The following NEGR1 variants were observed in gnomAD, a reference collection of about 807,000 sequenced individuals.
NEGR1 encodes the protein IgLON family member 4.
Under a neutral mutation model 40.9 loss-of-function variants are expected in NEGR1, and 10 were observed. That is an observed-to-expected ratio of 0.24 (90% CI 0.15 to 0.42). NEGR1 has a LOEUF of 0.42. NEGR1 is among the 10% of genes least tolerant of loss of function. The pLI is 1.00. For synonymous variants in NEGR1, 185 were observed against 166.8 expected, an observed-to-expected ratio of 1.11 and a Z score of -0.84; for missense variants, 352 against 438.9, an observed-to-expected ratio of 0.80 and a Z score of 1.77.
At chr1:71,571,173 C>T (rs979313980) in intron 6 of NEGR1, among the ~76,000 whole-genome samples, 1 of 152,168 alleles carries the variant, frequency 6.6e-6, no homozygotes, top group Non-Finnish European at 1.5e-5. Context: ...TTTATCATCA[C>T]TTCCTTCTTA....
At chr1:72,050,195 T>C (rs1043763124) in intron 1 of NEGR1, among the ~76,000 whole-genome samples, 5 of 151,656 alleles carry the variant, frequency 3.3e-5, no homozygotes, top group African/African-American at 9.7e-5. Context: ...AATTTAATGA[T>C]GATTAATGTT....
At chr1:71,690,682 G>A (rs797016790) in intron 4 of NEGR1, among the ~76,000 whole-genome samples, 12 of 123,664 alleles carry the variant, frequency 9.7e-5, no homozygotes, top group African/African-American at 3.1e-4. Context: ...ATTTGCCGTT[G>A]TTTGTTCTTT....
At chr1:71,852,113 AC>A (rs1231337574) in intron 2 of NEGR1, among the ~76,000 whole-genome samples, 3 of 152,200 alleles carry the variant, frequency 2.0e-5, no homozygotes, top group Non-Finnish European at 4.4e-5. Context: ...AGTGATTCTT[AC>A]TTCCATACAT....
chr1:71,571,462 A>G (rs1395850565), intron 6 of NEGR1, among the ~76,000 whole-genome samples: 1 of 152,252 alleles, frequency 6.6e-6, no homozygotes, highest in Non-Finnish European at 1.5e-5. Context: ...TGGCTAAAAT[A>G]TGCAAAAGCA....
intron 6 of NEGR1, among the ~76,000 whole-genome samples, chr1:71,457,526 AG>A (rs1236049037): frequency 6.6e-6 from 1 of 152,030 alleles, no homozygotes; most frequent in Non-Finnish European, 1.5e-5. Flanking sequence ...AGAGGAAACA[AG>A]AGAGACAGCA....
At chr1:72,176,688 A>G (rs888006305) in intron 1 of NEGR1, among the ~76,000 whole-genome samples, 8 of 152,002 alleles carry the variant, frequency 5.3e-5, no homozygotes, top group Non-Finnish European at 1.2e-4. Flanking sequence ...AACAAACAAA[A>G]CCACTGTGGG....
chr1:71,971,595 A>G (rs567321335), intron 1 of NEGR1, among the ~76,000 whole-genome samples: 2 of 152,362 alleles, frequency 1.3e-5, no homozygotes, highest in African/African-American at 4.8e-5. Context: ...AGATAATAAA[A>G]TGAACATATT....
At chr1:72,183,300 G>C (rs991256470) in intron 1 of NEGR1, among the ~76,000 whole-genome samples, 1 of 152,026 alleles carries the variant, frequency 6.6e-6, no homozygotes, top group Non-Finnish European at 1.5e-5. Context: ...TTGAGCATAG[G>C]GGTACTAGAA....
In NEGR1 at chr1:71,400,044, ACTTAGTGTAAAGTTAACTCCTTTTTG is replaced by A. The variant is rs1646236871; in HGVS notation, c.*7376_*7401del. ...CTGCGGGAGGTCTAAGTCTGCTGTG[ACTTAGTGTAAAGTTAACTCCTTTTTG>A]AATGTAAAAAGTCAAAATTGATGAA... On this transcript the variant is annotated 3_prime_UTR_variant, in exon 7 of 7. Transcript: ENST00000357731. 3 of 152,188 alleles carry A rather than the reference ACTTAGTGTAAAGTTAACTCCTTTTTG, an allele frequency of 2.0e-5. No homozygotes were observed. Among genetic ancestry groups the A allele is most frequent in the Non-Finnish European group, 4.4e-5 (3 of 68,034 alleles). 9.4% of individuals were successfully genotyped at this position (152,188 alleles called of 1,614,324 possible). A position where few individuals can be genotyped will look rare whatever the true frequency, so the allele number is the denominator to read the frequency against.
At chr1:71,625,885 C>CA (rs770023446) in intron 4 of NEGR1, among the ~76,000 whole-genome samples, 3 of 151,796 alleles carry the variant, frequency 2.0e-5, no homozygotes, top group Non-Finnish European at 4.4e-5. Context: ...TGACTATACA[C>CA]ACAGCTGCAT....
chr1:71,953,172 C>T (rs191399734), intron 1 of NEGR1, among the ~76,000 whole-genome samples: 17 of 152,014 alleles, frequency 1.1e-4, no homozygotes, highest in African/African-American at 3.9e-4. Context: ...TTTTATAAAG[C>T]TATTGTTTCC....
intron 1 of NEGR1, among the ~76,000 whole-genome samples, chr1:72,120,181 T>G (rs1649742844): frequency 6.6e-6 from 1 of 151,782 alleles, no homozygotes; most frequent in Admixed American, 6.6e-5. Context: ...ATTTGAAAAA[T>G]TTTTCATAAA....
At chr1:71,943,956 A>G (rs569746042) in intron 1 of NEGR1, among the ~76,000 whole-genome samples, 1 of 152,224 alleles carries the variant, frequency 6.6e-6, no homozygotes, top group Non-Finnish European at 1.5e-5. Context: ...AAAGAAAAAA[A>G]GGTGTTACAA....
At chr1:71,942,226 C>T (rs1265776244) in intron 1 of NEGR1, among the ~76,000 whole-genome samples, 2 of 150,318 alleles carry the variant, frequency 1.3e-5, no homozygotes, top group African/African-American at 2.4e-5. Flanking sequence ...AAACTATCAG[C>T]CACTATTGAT....
At chr1:71,833,765 T>C (rs1185454873) in intron 2 of NEGR1, among the ~76,000 whole-genome samples, 1 of 152,094 alleles carries the variant, frequency 6.6e-6, no homozygotes, top group African/African-American at 2.4e-5. Context: ...CCAAGTGCCA[T>C]TCTTCATGTG....
chr1:72,163,995 T>C (rs192015546), intron 1 of NEGR1, among the ~76,000 whole-genome samples: 1 of 151,730 alleles, frequency 6.6e-6, no homozygotes, highest in Non-Finnish European at 1.5e-5. Context: ...AATTTTAGCT[T>C]GCATACATCT....
chr1:72,245,423 A>T (rs550168604), intron 1 of NEGR1, among the ~76,000 whole-genome samples: 1 of 152,172 alleles, frequency 6.6e-6, no homozygotes, highest in African/African-American at 2.4e-5. Flanking sequence ...CCACTTGCAT[A>T]TTCTATTCAA....
At chr1:72,109,308 C>T (rs1035453039) in intron 1 of NEGR1, among the ~76,000 whole-genome samples, 1 of 151,374 alleles carries the variant, frequency 6.6e-6, no homozygotes, top group Non-Finnish European at 1.5e-5. Flanking sequence ...TCTTTTTATT[C>T]CAAAGAAGAT....
chr1:71,744,225 G>T (rs372211917), intron 3 of NEGR1, among the ~76,000 whole-genome samples: 1 of 150,092 alleles, frequency 6.7e-6, no homozygotes, highest in African/African-American at 2.5e-5. Flanking sequence ...ACTCTGCTCT[G>T]CAGCCATAAT....
Sources: allele counts gnomAD v4.1 joint callset (sites outside exome capture counted in the v4.1 genomes callset), GRCh38; gene constraint gnomAD v4.1.1; transcripts MANE v1.5; gene names NCBI Gene and HGNC (gene_info 2026-07-23, HGNC 2026-07-21).